Variants in PGPEP1L observed in about 807,000 individuals in gnomAD.
PGPEP1L encodes pyroglutamyl-peptidase I like.
In PGPEP1L, 7 loss-of-function variants were observed where a neutral mutation model predicts 6.0. That is an observed-to-expected ratio of 1.17 (90% CI 0.66 to 2.19). The LOEUF is 2.19. Ranked by LOEUF, PGPEP1L falls within the 30% of genes most tolerant of loss-of-function variation. The pLI is 0.00. For missense variants in PGPEP1L, 209 were observed against 192.5 expected (o/e 1.09, Z -0.51); for synonymous variants, 103 against 83.9 (o/e 1.23, Z -1.24).
At chr15:98,971,665 A>G (rs189943534) in intron 2 of PGPEP1L, among the ~76,000 whole-genome samples, 8 of 152,240 alleles carry the variant, frequency 5.3e-5, no homozygotes, top group Admixed American at 2.0e-4. Flanking sequence ...AAAGGGTTCA[A>G]CTTGAAAGAA....
chr15:99,001,875 G>A (rs1485975487), intron 2 of PGPEP1L, among the ~76,000 whole-genome samples: 1 of 152,034 alleles, frequency 6.6e-6, no homozygotes, highest in African/African-American at 2.4e-5. Context: ...CCATCACCAT[G>A]CCCAGCTAAT....
chr15:98,979,235 G>A (rs191798628), intron 2 of PGPEP1L, among the ~76,000 whole-genome samples: 1 of 151,910 alleles, frequency 6.6e-6, no homozygotes, highest in East Asian at 1.9e-4. Flanking sequence ...ATTACTGTAC[G>A]AACCAGCAAG....
In PGPEP1L at chr15:98,992,551, C is replaced by T. The variant is rs963156088; in HGVS notation, c.-142+12878G>A. On this transcript the variant is annotated intron_variant, in intron 2 of 4. Coordinates refer to ENST00000535714, the MANE Select transcript of PGPEP1L (RefSeq NM_001167902.2). ...AGTAATTTATACATTCAATGCTATC[C>T]CCATCAAGCTACCATTGACTTTCTT... 2.0e-5 allele frequency among the ~76,000 whole-genome samples: 3 copies of T among 152,214 alleles called. No individual in the cohort carries two copies. The South Asian group carries it at 6.2e-4, about 32-fold the overall frequency.
At chr15:98,982,728 T>A (rs1347902497) in intron 2 of PGPEP1L, among the ~76,000 whole-genome samples, 1 of 93,256 alleles carries the variant, frequency 1.1e-5, no homozygotes, top group Non-Finnish European at 2.1e-5. Flanking sequence ...TTTTTTTTTT[T>A]GAGACAGAGT....
rs547567554 is a variant in PGPEP1L at position 99,006,647 on chromosome 15, G to A, written c.-370+712C>T. ...AGTTCAAGATCAACCTGGGCAACGT[G>A]GCAAGACTGCATCAATTATTTTTTT... On this transcript the variant is annotated intron_variant, in intron 1 of 4. Transcript: ENST00000535714. 4.8e-4 allele frequency among the ~76,000 whole-genome samples: 73 copies of A among 152,258 alleles called. 1 individual carries two copies. The South Asian group carries it at 0.013, about 28-fold the overall frequency.
rs1011757733 is a variant in PGPEP1L at position 98,969,359 on chromosome 15, G to A, written c.209+66C>T. ...GATACAGGATGGCTTCTTGGAGGTC[G>A]GGGGGACGCTGACGGCCATTGCTTC... On this transcript the variant is annotated intron_variant, in intron 4 of 4. Coordinates refer to ENST00000535714, the MANE Select transcript of PGPEP1L (RefSeq NM_001167902.2). 2.3e-5 allele frequency: 37 copies of A among 1,576,696 alleles called. 1 individual carries two copies. The highest frequency in any genetic ancestry group is 1.7e-4 in the Middle Eastern group (1 of 6,000).
chr15:98,985,642 G>A (rs1170463963), intron 2 of PGPEP1L, among the ~76,000 whole-genome samples: 1 of 152,228 alleles, frequency 6.6e-6, no homozygotes, highest in Non-Finnish European at 1.5e-5. Flanking sequence ...GAGCGCAAGT[G>A]GGCTGAACCT....
Position 98,971,208 on chromosome 15 carries a change from G to GA in PGPEP1L, c.-141-51_-141-50insT, listed in dbSNP as rs1567234141. ...GCCTCAGTTGATGGGGGGGGGGGGG[G>GA]GGTGGGCACCAAGAGTCCCTGAAAA... On this transcript the variant is annotated intron_variant, in intron 2 of 4. Coordinates refer to ENST00000535714, the MANE Select transcript of PGPEP1L (RefSeq NM_001167902.2). The GA allele has an allele frequency of 1.1e-4, 15 of 141,188 alleles. No individual in the cohort carries two copies. In the African/African-American group the frequency reaches 1.2e-3, roughly 11 times the overall value. 8.7% of individuals were successfully genotyped at this position (141,188 alleles called of 1,614,324 possible).
At position 98,970,938 on chromosome 15, in the gene PGPEP1L, C is replaced by T; in HGVS notation, c.-19+98G>A. 2.0e-6 allele frequency: 3 copies of T among 1,528,212 alleles called. No individual in the cohort carries two copies. In the East Asian group the frequency reaches 6.9e-5, roughly 35 times the overall value. The allele number at this position is 1,528,212 out of a possible 1,614,324, so 94.7% of individuals were successfully genotyped here. On this transcript the variant is annotated intron_variant, in intron 3 of 4. Transcript: ENST00000535714. ...ACTGGTGGGGCCTGGGGACGGGGTG[C>T]CCCTCAACCATCAACCCTAGAACCA...
At chr15:98,974,247 C>T (rs1003969017) in intron 2 of PGPEP1L, among the ~76,000 whole-genome samples, 9 of 151,986 alleles carry the variant, frequency 5.9e-5, no homozygotes, top group African/African-American at 7.3e-5. Context: ...GGCCTGCTGG[C>T]GCACGCCTGT....
At chr15:98,975,638 T>C (rs1302029959) in intron 2 of PGPEP1L, among the ~76,000 whole-genome samples, 2 of 152,190 alleles carry the variant, frequency 1.3e-5, no homozygotes, top group Admixed American at 1.3e-4. Flanking sequence ...CCCAGCACTT[T>C]GGGAGGCCGA....
chr15:98,979,471 C>T (rs1009980899), intron 2 of PGPEP1L, among the ~76,000 whole-genome samples: 1 of 151,970 alleles, frequency 6.6e-6, no homozygotes, highest in Non-Finnish European at 1.5e-5. Context: ...AATAAGTGCC[C>T]AACAATTTGC....
At chr15:98,987,501 G>A (rs1360514945) in intron 2 of PGPEP1L, among the ~76,000 whole-genome samples, 5 of 152,136 alleles carry the variant, frequency 3.3e-5, no homozygotes, top group African/African-American at 4.8e-5. Context: ...GGGTTGTGGT[G>A]GGTGCAGTAT....
At chr15:98,989,400 T>C (rs1892511725) in intron 2 of PGPEP1L, among the ~76,000 whole-genome samples, 1 of 152,058 alleles carries the variant, frequency 6.6e-6, no homozygotes, top group South Asian at 2.1e-4. Context: ...GAAGATCAAC[T>C]CAATGAAATA....
chr15:98,989,360 G>A (rs782363634), intron 2 of PGPEP1L, among the ~76,000 whole-genome samples: 3 of 152,264 alleles, frequency 2.0e-5, no homozygotes, highest in African/African-American at 7.2e-5. Flanking sequence ...AAGCTGAATC[G>A]ATCAAGTGGA....
rs146763091 is a variant in PGPEP1L at position 98,978,537 on chromosome 15, G to A, written c.-141-7379C>T. On this transcript the variant is annotated intron_variant, in intron 2 of 4. Coordinates refer to ENST00000535714, the MANE Select transcript of PGPEP1L (RefSeq NM_001167902.2). The stretch of plus-strand genomic sequence containing the variant: ...ATGGAGATGAGAAAAGGTTTGCCCA[G>A]TAGACTTCCCTTTTTTGTTTTTTCC... Among the ~76,000 whole-genome samples the A allele has an allele frequency of 1.2e-4, 19 of 152,082 alleles. No individual in the cohort carries two copies. In the East Asian group the frequency reaches 2.1e-3, roughly 17 times the overall value.
At chr15:98,986,512 G>T (rs1405761299) in intron 2 of PGPEP1L, among the ~76,000 whole-genome samples, 1 of 152,246 alleles carries the variant, frequency 6.6e-6, no homozygotes, top group Non-Finnish European at 1.5e-5. Flanking sequence ...ATGGATTTGG[G>T]ATCCTCCCAG....
chr15:98,978,878 C>T (rs962584755), intron 2 of PGPEP1L, among the ~76,000 whole-genome samples: 9 of 151,260 alleles, frequency 6.0e-5, no homozygotes, highest in East Asian at 3.9e-4. Context: ...TACAGGCACG[C>T]GCCATCACGC....
intron 1 of PGPEP1L, among the ~76,000 whole-genome samples, chr15:99,006,504 T>C (rs2018065532): frequency 6.6e-6 from 1 of 152,232 alleles, no homozygotes. Context: ...TTCCAATATC[T>C]TGATCTTTCG....
Sources: gnomAD v4.1 joint callset for allele counts (sites outside exome capture counted in the v4.1 genomes callset) on GRCh38, gnomAD v4.1.1 for gene constraint, MANE v1.5 for transcripts, NCBI Gene and HGNC (gene_info 2026-07-23, HGNC 2026-07-21) for gene names.